MGAT4A: variants seen among roughly 807,000 people sequenced by gnomAD.
MGAT4A encodes N-acetylglucosaminyltransferase IVa.
In MGAT4A, 33 loss-of-function variants were observed where a neutral mutation model predicts 74.1. That is an observed-to-expected ratio of 0.45 (90% CI 0.34 to 0.60). The LOEUF (loss-of-function observed/expected upper bound fraction) is 0.60, where lower values mean the gene tolerates loss of function less well. Among genes scored for constraint, MGAT4A ranks in the 20% least tolerant of loss-of-function variants. The pLI is 0.02. For missense variants in MGAT4A, 479 were observed against 628.3 expected (o/e 0.76, Z 2.54); for synonymous variants, 198 against 210.4 (o/e 0.94, Z 0.51).
At chr2:98,705,627 T>C (rs1387797094) in intron 2 of MGAT4A, among the ~76,000 whole-genome samples, 2 of 152,204 alleles carry the variant, frequency 1.3e-5, no homozygotes, top group Admixed American at 1.3e-4. Flanking sequence ...TAGGTGATTG[T>C]GGAGTAGTCC....
intron 8 of MGAT4A, among the ~76,000 whole-genome samples, chr2:98,648,736 A>C (rs544167761): frequency 7.9e-5 from 12 of 151,256 alleles, no homozygotes; most frequent in African/African-American, 2.7e-4. Context: ...AAAAAAAAAA[A>C]AGCTCACTGA....
chr2:98,671,007 A>G (rs1187171737), intron 4 of MGAT4A, among the ~76,000 whole-genome samples: 2 of 152,166 alleles, frequency 1.3e-5, no homozygotes, highest in Non-Finnish European at 2.9e-5. Flanking sequence ...CTTGCAAACC[A>G]ATGATGCAAA....
chr2:98,683,527 T>C (rs1575267569), intron 2 of MGAT4A, among the ~76,000 whole-genome samples: 1 of 151,996 alleles, frequency 6.6e-6, no homozygotes, highest in African/African-American at 2.4e-5. Context: ...TGTACTATCC[T>C]TGCAACTCTT....
chr2:98,641,532 C>T (rs1212236536), intron 10 of MGAT4A, among the ~76,000 whole-genome samples: 41 of 145,772 alleles, frequency 2.8e-4, no homozygotes, highest in Admixed American at 1.9e-3. Context: ...ATTAGCCGGG[C>T]GTGGTGGCGG....
chr2:98,680,812 A>G (rs1333621180), intron 2 of MGAT4A, among the ~76,000 whole-genome samples: 1 of 152,258 alleles, frequency 6.6e-6, no homozygotes, highest in Admixed American at 6.5e-5. Context: ...TTAAACAATT[A>G]TAAGAAGAGA....
At chr2:98,705,067 C>G (rs182102142) in intron 2 of MGAT4A, among the ~76,000 whole-genome samples, 8 of 152,302 alleles carry the variant, frequency 5.3e-5, no homozygotes, top group African/African-American at 1.9e-4. Flanking sequence ...AAGTTACTTA[C>G]CTTGATTCCA....
chr2:98,634,403 C>G (rs1458020836), intron 14 of MGAT4A, among the ~76,000 whole-genome samples: 1 of 151,830 alleles, frequency 6.6e-6, no homozygotes, highest in Non-Finnish European at 1.5e-5. Context: ...GAGTGTGGGG[C>G]CTTCATCAGA....
chr2:98,689,511 C>T (rs1214596365), intron 2 of MGAT4A, among the ~76,000 whole-genome samples: 2 of 152,150 alleles, frequency 1.3e-5, no homozygotes, highest in Non-Finnish European at 2.9e-5. Flanking sequence ...CTGCTAAACA[C>T]AATTATAAAC....
intron 12 of MGAT4A, among the ~76,000 whole-genome samples, chr2:98,638,872 C>T (rs1030367216): frequency 6.6e-6 from 1 of 152,174 alleles, no homozygotes; most frequent in Admixed American, 6.5e-5. Context: ...TTGGCCCTCC[C>T]ATTGGGACAC....
chr2:98,702,619 G>A (rs1490188528), intron 2 of MGAT4A, among the ~76,000 whole-genome samples: 1 of 152,198 alleles, frequency 6.6e-6, no homozygotes, highest in Non-Finnish European at 1.5e-5. Context: ...GGGCGCACTC[G>A]CAAACAGCTT....
chr2:98,709,736 G>A (rs943941350), intron 2 of MGAT4A, among the ~76,000 whole-genome samples: 1 of 152,190 alleles, frequency 6.6e-6, no homozygotes, highest in African/African-American at 2.4e-5. Flanking sequence ...GCTGCCAACA[G>A]AAGCCTCTCT....
rs1437832662 is a variant in MGAT4A, at chr2:98,643,938, G to C, written c.1005C>G (p.Asn335Lys). The C allele has an allele frequency of 6.4e-7, 1 of 1,562,974 alleles. No individual in the cohort carries two copies. The change falls in exon 10 of 16, where the codon AAC becomes AAG. Residue 335 changes from asparagine to lysine, a missense_variant. Around this residue, in one of 3 missense-constraint regions of MGAT4A, gnomAD observed 236 missense variants for 308.2 expected, o/e 0.77. Transcript: ENST00000393487. Reference sequence around the variant, plus strand: ...ATTAACTTACTGCATCTTTTTCAGGGTTGCAGACTTTCACCCAGAGAATAT... The same window carrying C: ...ATTAACTTACTGCATCTTTTTCAGGCTTGCAGACTTTCACCCAGAGAATAT... ...LDHILWVKVCNPEKDAKHCDR... is the reference protein window; with the variant it reads ...LDHILWVKVCKPEKDAKHCDR...
At position 98,622,759 on chromosome 2, in the gene MGAT4A, G is replaced by C. The variant is rs965393635; in HGVS notation, c.*2807C>G. ...GCTCGCCTCAGGAACCTGAAATCTG[G>C]TCAGAGAGACAGCACACACCATACA... is the stretch of plus-strand genomic sequence containing the variant. On this transcript the variant is annotated 3_prime_UTR_variant, in exon 16 of 16. Transcript: ENST00000393487. 9 of 985,524 alleles carry C rather than the reference G, an allele frequency of 9.1e-6. No homozygotes were observed. The highest frequency in any genetic ancestry group is 1.1e-5 in the Non-Finnish European group (9 of 830,134). The allele number at this position is 985,524 out of a possible 1,614,324, so 61.0% of individuals were successfully genotyped here. A position where few individuals can be genotyped will look rare whatever the true frequency, so the allele number is the denominator to read the frequency against.
chr2:98,652,196 A>G (rs897124502), intron 8 of MGAT4A, among the ~76,000 whole-genome samples: 4 of 152,180 alleles, frequency 2.6e-5, no homozygotes, highest in Non-Finnish European at 5.9e-5. Context: ...CTTAAACAAC[A>G]CTATAATCAA....
chr2:98,668,035 C>T (rs778665475), intron 4 of MGAT4A, among the ~76,000 whole-genome samples: 17 of 152,064 alleles, frequency 1.1e-4, no homozygotes, highest in South Asian at 2.1e-4. Context: ...AGTTTTAAGA[C>T]GGAAAGAGCA....
intron 1 of MGAT4A, among the ~76,000 whole-genome samples, chr2:98,727,614 A>G (rs1343909068): frequency 6.6e-6 from 1 of 152,158 alleles, no homozygotes; most frequent in Non-Finnish European, 1.5e-5. Flanking sequence ...CTGACACTGT[A>G]GTGGGGGAGT....
chr2:98,655,399 A>G, intron 8 of MGAT4A, 46 bp downstream of exon 8: 2 of 1,422,674 alleles, frequency 1.4e-6, no homozygotes, highest in Non-Finnish European at 2.0e-6. Context: ...CCTTGATAAC[A>G]CTTTTTCTTT....
At position 98,623,558 on chromosome 2, in the gene MGAT4A, G is replaced by A; in HGVS notation, c.*2008C>T. On this transcript the variant is annotated 3_prime_UTR_variant, in exon 16 of 16. Coordinates refer to ENST00000393487, the MANE Select transcript of MGAT4A (RefSeq NM_012214.3). ...TGAATGAAATTTGCTCATGGGCACTGGGCCAAGGAAATTTGAGAAGAAAAA... is the reference window on the plus strand; with the variant it reads ...TGAATGAAATTTGCTCATGGGCACTAGGCCAAGGAAATTTGAGAAGAAAAA... 1.0e-6 allele frequency: 1 copy of A among 985,316 alleles called. No homozygotes were observed. The highest frequency in any genetic ancestry group is 1.2e-6 in the Non-Finnish European group (1 of 829,916). 61.0% of individuals were successfully genotyped at this position (985,316 alleles called of 1,614,324 possible). A position where few individuals can be genotyped will look rare whatever the true frequency, so the allele number is the denominator to read the frequency against.
intron 8 of MGAT4A, among the ~76,000 whole-genome samples, chr2:98,648,584 T>G (rs1379336211): frequency 3.3e-5 from 5 of 150,192 alleles, no homozygotes; most frequent in Middle Eastern, 3.6e-3. Context: ...CCAGGCATGG[T>G]GGTGCATGTC....
Sources: allele counts gnomAD v4.1 joint callset (sites outside exome capture counted in the v4.1 genomes callset), GRCh38; gene constraint gnomAD v4.1.1; regional missense constraint gnomAD v4.1.1; transcripts MANE v1.5; gene names NCBI Gene and HGNC (gene_info 2026-07-23, HGNC 2026-07-21).